Variants in CFAP54 observed in about 807,000 individuals in gnomAD.
The protein encoded by CFAP54 is cilia- and flagella-associated protein 54.
A neutral mutation model predicts 370.4 loss-of-function variants in CFAP54; 290 were observed. The observed-to-expected ratio is 0.78, with a 90% CI of 0.71 to 0.86. The LOEUF is 0.86. Ranked by LOEUF, CFAP54 falls within the 40% of genes least tolerant of loss-of-function variation. The pLI, the probability that CFAP54 is intolerant of heterozygous loss-of-function variation, is 0.00. For synonymous variants in CFAP54, 1,206 were observed against 1,236.5 expected (o/e 0.98, Z 0.52); for missense variants, 3,399 against 3,528.7 (o/e 0.96, Z 0.93).
chr12:96,729,007 C>A (rs925199214), intron 50 of CFAP54, among the ~76,000 whole-genome samples: 3 of 152,166 alleles, frequency 2.0e-5, no homozygotes, highest in Non-Finnish European at 4.4e-5. Context: ...TCATGAACCG[C>A]GAATGCTGCT....
At chr12:96,561,832 C>T (rs1172632126) in intron 17 of CFAP54, among the ~76,000 whole-genome samples, 1 of 131,126 alleles carries the variant, frequency 7.6e-6, no homozygotes, top group Admixed American at 8.9e-5. Flanking sequence ...TGGAGTGGTG[C>T]GATCACCCAG....
Position 96,630,143 on chromosome 12 carries a change from C to T in CFAP54, c.4154C>T (p.Ala1385Val), listed in dbSNP as rs1442578189. 24 of 1,500,606 alleles carry T rather than the reference C, an allele frequency of 1.6e-5. No homozygotes were observed. The highest frequency in any genetic ancestry group is 1.0e-4 in the Admixed American group (5 of 49,036). 93.0% of individuals were successfully genotyped at this position (1,500,606 alleles called of 1,614,324 possible). A position where few individuals can be genotyped will look rare whatever the true frequency, so the allele number is the denominator to read the frequency against. Reference protein sequence around the residue: ...GLIKVKYKDSALNKKANKSLK... With the variant: ...GLIKVKYKDSVLNKKANKSLK... The stretch of plus-strand genomic sequence containing the variant: ...ATAAAAGTGAAATATAAGGATAGTG[C>T]TTTGAATAAAAAAGCAAACAAATCT... The change falls in exon 31 of 68, where the codon GCT (alanine) becomes GTT (valine). Residue 1385 changes from alanine (A) to valine (V), a missense_variant. Physicochemically the swap from Ala to Val is moderately conservative, Grantham distance 64 (BLOSUM62 0). This residue lies in a region of CFAP54 where 2,796 missense variants were observed against 2,869.7 expected (regional missense o/e 0.97). Transcript: ENST00000524981.
chr12:96,504,059 C>T lies in CFAP54; in HGVS notation c.567+30C>T, dbSNP rs1035732614. 9 of 1,478,164 alleles carry T rather than the reference C, an allele frequency of 6.1e-6. No homozygotes were observed. In the South Asian group the frequency reaches 8.1e-5, roughly 13 times the overall value. The allele number at this position is 1,478,164 out of a possible 1,614,324, so 91.6% of individuals were successfully genotyped here. A position where few individuals can be genotyped will look rare whatever the true frequency, so the allele number is the denominator to read the frequency against. On this transcript the variant is annotated intron_variant, in intron 3 of 67. Transcript: ENST00000524981. ...GATGAAAGAGCAGCTGAAATAGCTACAATTTATGATTAGCTATACAATGTA... is the reference window on the plus strand; with the variant it reads ...GATGAAAGAGCAGCTGAAATAGCTATAATTTATGATTAGCTATACAATGTA...
chr12:96,652,329 ATGT>A (rs1433634899), intron 36 of CFAP54, among the ~76,000 whole-genome samples: 2 of 152,226 alleles, frequency 1.3e-5, no homozygotes, highest in Non-Finnish European at 2.9e-5. Context: ...ACACATACAC[ATGT>A]TGTGCCATGA....
chr12:96,658,511 G>C (rs898153200), intron 38 of CFAP54, among the ~76,000 whole-genome samples, 165 bp downstream of exon 38: 2 of 152,160 alleles, frequency 1.3e-5, no homozygotes, highest in Non-Finnish European at 2.9e-5. Flanking sequence ...AGAGCCTGCA[G>C]TCAAGGCAAA....
chr12:96,625,839 C>T (rs761011264), intron 29 of CFAP54, 32 bp downstream of exon 29: 2 of 1,388,802 alleles, frequency 1.4e-6, no homozygotes, highest in South Asian at 1.3e-5. Context: ...ATGCTGTTCA[C>T]TCGATTTATC....
intron 56 of CFAP54, among the ~76,000 whole-genome samples, chr12:96,756,125 G>A (rs1958254688): frequency 6.6e-6 from 1 of 152,112 alleles, no homozygotes; most frequent in Non-Finnish European, 1.5e-5. Context: ...GAGAATGCAT[G>A]TCAAAAAAGG....
chr12:96,710,742 C>G (rs554458950), intron 48 of CFAP54, among the ~76,000 whole-genome samples: 6 of 152,086 alleles, frequency 3.9e-5, no homozygotes, highest in African/African-American at 1.4e-4. Context: ...TTACTGCAAC[C>G]TCCGCCTCCC....
Position 96,771,040 on chromosome 12 carries a change from T to A in CFAP54, c.8281+5822T>A, listed in dbSNP as rs140403828. Among the ~76,000 whole-genome samples, 192 of 152,344 alleles carry A rather than the reference T, an allele frequency of 1.3e-3. 6 individuals carry two copies. In the East Asian group the frequency reaches 0.029, roughly 23 times the overall value. On this transcript the variant is annotated intron_variant, in intron 60 of 67. Transcript: ENST00000524981. ...TGGTGGGTAAATAGTACAAAAATTG[T>A]TTTAATTTGTAGCTGAGCTTGAAAC...
chr12:96,678,582 A>G (rs1043988914), intron 39 of CFAP54, among the ~76,000 whole-genome samples: 48 of 152,218 alleles, frequency 3.2e-4, no homozygotes, highest in African/African-American at 1.1e-3. Flanking sequence ...CTAACTATCT[A>G]GAGCCACTTG....
At chr12:96,680,475 A>T (rs1255162711) in intron 40 of CFAP54, among the ~76,000 whole-genome samples, 1 of 152,182 alleles carries the variant, frequency 6.6e-6, no homozygotes, top group Non-Finnish European at 1.5e-5. Context: ...GGTCAGAATA[A>T]TAAGAATAAA....
At chr12:96,664,785 A>ATCTATC (rs1565934533) in intron 39 of CFAP54, among the ~76,000 whole-genome samples, 674 of 26,234 alleles carry the variant, frequency 0.026, 49 homozygotes, top group South Asian at 0.058. Flanking sequence ...ATCTATATAT[A>ATCTATC]TATATATATA....
At chr12:96,615,637 A>G (rs1295203848) in intron 26 of CFAP54, among the ~76,000 whole-genome samples, 1 of 152,264 alleles carries the variant, frequency 6.6e-6, no homozygotes, top group African/African-American at 2.4e-5. Context: ...AATATCCGGA[A>G]TCTACAAAGA....
intron 3 of CFAP54, 136 bp downstream of exon 3, chr12:96,504,165 T>C: frequency 1.3e-6 from 1 of 772,874 alleles, no homozygotes; most frequent in East Asian, 3.1e-5. Context: ...TAATAAATAC[T>C]TTCAGTGCTG....
chr12:96,813,261 C>A (rs1958944337), intron 64 of CFAP54, among the ~76,000 whole-genome samples: 1 of 152,182 alleles, frequency 6.6e-6, no homozygotes, highest in Non-Finnish European at 1.5e-5. Flanking sequence ...GAGGCCATCA[C>A]AGAGGACCAT....
intron 45 of CFAP54, 143 bp from the exon 46 acceptor site, chr12:96,699,827 CT>C: frequency 1.6e-6 from 1 of 629,854 alleles, no homozygotes; most frequent in African/African-American, 1.8e-5. Context: ...TCCACTGTGT[CT>C]AGTAAACATT....
intron 11 of CFAP54, 147 bp from the exon 12 acceptor site, chr12:96,535,368 G>C: frequency 3.3e-6 from 2 of 609,318 alleles, no homozygotes; most frequent in East Asian, 2.8e-5. Context: ...TTTTCATATA[G>C]AAGTATTTAA....
chr12:96,536,980 A>ATTCAG (rs1442674370), intron 12 of CFAP54, among the ~76,000 whole-genome samples: 3 of 133,122 alleles, frequency 2.3e-5, no homozygotes, highest in Admixed American at 7.8e-5. Flanking sequence ...ATTCAATTCA[A>ATTCAG]TTCAATACAA....
At chr12:96,534,868 A>G (rs996126999) in intron 11 of CFAP54, among the ~76,000 whole-genome samples, 2 of 152,054 alleles carry the variant, frequency 1.3e-5, no homozygotes, top group African/African-American at 4.8e-5. Flanking sequence ...TTTTCTTTCA[A>G]CTACCATATT....
Sources: allele counts gnomAD v4.1 joint callset (sites outside exome capture counted in the v4.1 genomes callset), GRCh38; gene constraint gnomAD v4.1.1; regional missense constraint gnomAD v4.1.1; transcripts MANE v1.5; gene names NCBI Gene and HGNC (gene_info 2026-07-23, HGNC 2026-07-21).